Variants in ACOX3 observed in about 807,000 individuals in gnomAD.
ACOX3 encodes peroxisomal acyl-coenzyme A oxidase 3.
ACOX3 carries 73 observed loss-of-function variants against 81.5 expected under a neutral mutation model. The observed-to-expected ratio is 0.90, with a 90% confidence interval of 0.74 to 1.09. ACOX3 has a LOEUF of 1.09. Among genes scored for constraint, ACOX3 ranks in the 50% least tolerant of loss-of-function variants. The probability of loss-of-function intolerance (pLI) is 0.00; values close to 1 mark genes in which losing one functional copy is unlikely to be tolerated. For missense variants in ACOX3, 947 were observed against 928.0 expected, an observed-to-expected ratio of 1.02 and a Z score of -0.27; for synonymous variants, 387 against 375.1, an observed-to-expected ratio of 1.03 and a Z score of -0.37.
Position 8,416,629 on chromosome 4 carries a change from G to T in ACOX3, c.-14-94C>A. The stretch of plus-strand genomic sequence containing the variant: ...AGAGCCCGCAACACCTTACAAATCA[G>T]AGAAAAGTAAACTTGAAATCCAAAA... On this transcript the variant is annotated intron_variant, in intron 1 of 17. Transcript: ENST00000356406. This position sits in a 1 kb window ranked among gnomAD's most constrained non-coding sequence, Gnocchi z 4.2. 7.5e-7 allele frequency: 1 copy of T among 1,339,846 alleles called. No homozygotes were observed. Among genetic ancestry groups the T allele is most frequent in the South Asian group, 1.5e-5 (1 of 64,998 alleles). The allele number at this position is 1,339,846 out of a possible 1,614,324, so 83.0% of individuals were successfully genotyped here.
At chr4:8,422,436 T>C (rs1449691147) in intron 1 of ACOX3, among the ~76,000 whole-genome samples, 2 of 152,202 alleles carry the variant, frequency 1.3e-5, no homozygotes, top group Non-Finnish European at 2.9e-5. Flanking sequence ...AAAGTCCACC[T>C]TAGGCCCAGA....
intron 5 of ACOX3, among the ~76,000 whole-genome samples, chr4:8,411,087 G>A (rs1359551282): frequency 6.6e-6 from 1 of 152,208 alleles, no homozygotes; most frequent in Admixed American, 6.5e-5. Context: ...GGAGCCCTTC[G>A]AGTAAGGCTG....
intron 1 of ACOX3, among the ~76,000 whole-genome samples, chr4:8,422,376 C>G (rs779395665): frequency 6.6e-6 from 1 of 152,200 alleles, no homozygotes; most frequent in Admixed American, 6.5e-5. Context: ...TCCAATACCA[C>G]TTTGTTGTCA....
intron 3 of ACOX3, 37 bp downstream of exon 3, chr4:8,415,729 G>C (rs200740597): frequency 6.3e-7 from 1 of 1,589,842 alleles, no homozygotes; most frequent in African/African-American, 1.3e-5. Flanking sequence ...AGCGCAGCAT[G>C]AAAGCCGTTT....
In ACOX3 at chr4:8,405,255, C is replaced by T. The variant is rs563059236; in HGVS notation, c.776+700G>A. 6.6e-6 allele frequency among the ~76,000 whole-genome samples: 1 copy of T among 152,332 alleles called. No individual in the cohort carries two copies. The highest frequency in any genetic ancestry group is 2.1e-4 in the South Asian group (1 of 4,822). ...CATCCCAGCACAGGCCTGGGCCTGA[C>T]ACTTCCCACTGCTTCCTCCACCTGA... On this transcript the variant is annotated intron_variant, in intron 7 of 17. Coordinates refer to ENST00000356406, the MANE Select transcript of ACOX3 (RefSeq NM_003501.3). This position sits in a 1 kb window ranked among gnomAD's most constrained non-coding sequence, Gnocchi z 7.1.
In ACOX3 at chr4:8,394,799, A is replaced by G; in HGVS notation, c.1057-57T>C. 6.3e-7 allele frequency: 1 copy of G among 1,576,874 alleles called. No individual in the cohort carries two copies. The highest frequency in any genetic ancestry group is 8.6e-7 in the Non-Finnish European group (1 of 1,158,140). ...TCGTGGTTCCCATGAAGGGCAGCCC[A>G]TCCCAGGGACCATGAAAGCCAGTGC... On this transcript the variant is annotated intron_variant, in intron 9 of 17. Transcript: ENST00000356406. The surrounding 1 kb of genome is among the most constrained non-coding windows in gnomAD (Gnocchi z 5.9).
chr4:8,390,451 T>C (rs2386119), intron 11 of ACOX3, among the ~76,000 whole-genome samples: 38,336 of 151,968 alleles, frequency 0.25, 5,351 homozygotes, highest in African/African-American at 0.38. Flanking sequence ...CTGCAGAGCC[T>C]CCCCTGGCAT....
rs974325324 is a variant in ACOX3, at chr4:8,400,768, G to A, written c.777-1116C>T. Among the ~76,000 whole-genome samples, 17 of 152,142 alleles carry A rather than the reference G, an allele frequency of 1.1e-4. No homozygotes were observed. In the East Asian group the frequency reaches 1.7e-3, roughly 16 times the overall value. On this transcript the variant is annotated intron_variant, in intron 7 of 17. Transcript: ENST00000356406. This position sits in a 1 kb window ranked among gnomAD's most constrained non-coding sequence, Gnocchi z 4.4. ...TTGCAATGCCTTAGGGCAGCAGTCC[G>A]CAACCTTTTTGGCACCAGGGACCGG... is the stretch of plus-strand genomic sequence containing the variant.
At position 8,399,561 on chromosome 4, in the gene ACOX3, A is replaced by C. The variant is rs1720123026; in HGVS notation, c.868T>G (p.Phe290Val). The part of the protein sequence containing the change: ...VTPEGTYVSP[F>V]KDVRQRFGAS... ...ACGGCCCCCCATGCCTGTACCTTAA[A>C]GGGGCTGACATAGGTGCCCTCGGGG... is the stretch of plus-strand genomic sequence containing the variant. Residue 290 changes from phenylalanine (F) to valine (V), a missense_variant, in exon 8 of 18, where the codon TTT (phenylalanine) becomes GTT (valine). Transcript: ENST00000356406. The surrounding 1 kb of genome is among the most constrained non-coding windows in gnomAD (Gnocchi z 4.9). 2 of 1,613,058 alleles carry C rather than the reference A, an allele frequency of 1.2e-6. No individual in the cohort carries two copies.
Position 8,382,848 on chromosome 4 carries a change from C to T in ACOX3, c.1538-1241G>A, listed in dbSNP as rs1338900125. On this transcript the variant is annotated intron_variant, in intron 13 of 17. Transcript: ENST00000356406. This position sits in a 1 kb window ranked among gnomAD's most constrained non-coding sequence, Gnocchi z 4.1. ...TCTACTAAAAATACAAAAAATTAGC[C>T]GGGCGCAGTGGCAGGCGCCTGTAGT... is the stretch of plus-strand genomic sequence containing the variant. 2.0e-5 allele frequency among the ~76,000 whole-genome samples: 3 copies of T among 151,998 alleles called. No individual in the cohort carries two copies. Among genetic ancestry groups the T allele is most frequent in the Non-Finnish European group, 1.5e-5 (1 of 67,980 alleles).
At chr4:8,374,890 G>A in intron 15 of ACOX3, 88 bp downstream of exon 15, 5 of 1,378,714 alleles carry the variant, frequency 3.6e-6, no homozygotes, top group Non-Finnish European at 4.8e-6. Flanking sequence ...CGTGGAAGGA[G>A]GACGATGGTG....
chr4:8,392,109 C>T (rs1429631165), intron 11 of ACOX3, among the ~76,000 whole-genome samples: 1 of 152,374 alleles, frequency 6.6e-6, no homozygotes, highest in East Asian at 1.9e-4. Context: ...CACATGGTCT[C>T]TGTCACAGCT....
At position 8,366,855 on chromosome 4, in the gene ACOX3, A is replaced by C. The variant is rs1322613926; in HGVS notation, c.*106T>G. 4.5e-5 allele frequency: 67 copies of C among 1,501,354 alleles called. No homozygotes were observed. Among genetic ancestry groups the C allele is most frequent in the Admixed American group, 1.1e-4 (6 of 56,854 alleles). The allele number at this position is 1,501,354 out of a possible 1,614,324, so 93.0% of individuals were successfully genotyped here. On this transcript the variant is annotated 3_prime_UTR_variant, in exon 18 of 18. Transcript: ENST00000356406. ...AGTTTAGGCGCACAGGTGCGGGCTCAGAAAGCAGCAGCAATCTCCGGCGTG... is the reference window on the plus strand; with the variant it reads ...AGTTTAGGCGCACAGGTGCGGGCTCCGAAAGCAGCAGCAATCTCCGGCGTG...
At position 8,384,685 on chromosome 4, in the gene ACOX3, G is replaced by A. The variant is rs1254368245; in HGVS notation, c.1538-3078C>T. ...GGTGAGCTCTTCGCATGCACTGCCTGCCTTTCGGGTCTCGGTTTCCTCTCC... is the reference window on the plus strand; with the variant it reads ...GGTGAGCTCTTCGCATGCACTGCCTACCTTTCGGGTCTCGGTTTCCTCTCC... On this transcript the variant is annotated intron_variant, in intron 13 of 17. Transcript: ENST00000356406. This position sits in a 1 kb window ranked among gnomAD's most constrained non-coding sequence, Gnocchi z 5.3. Among the ~76,000 whole-genome samples the A allele has an allele frequency of 6.6e-6, 1 of 152,124 alleles. No homozygotes were observed. The highest frequency in any genetic ancestry group is 1.5e-5 in the Non-Finnish European group (1 of 68,028).
Position 8,405,838 on chromosome 4 carries a change from T to A in ACOX3, c.776+117A>T. The A allele has an allele frequency of 9.5e-7, 1 of 1,051,822 alleles. No individual in the cohort carries two copies. Among genetic ancestry groups the A allele is most frequent in the Non-Finnish European group, 1.5e-6 (1 of 681,136 alleles). The allele number at this position is 1,051,822 out of a possible 1,614,324, so 65.2% of individuals were successfully genotyped here. On this transcript the variant is annotated intron_variant, in intron 7 of 17. Coordinates refer to ENST00000356406, the MANE Select transcript of ACOX3 (RefSeq NM_003501.3). This position sits in a 1 kb window ranked among gnomAD's most constrained non-coding sequence, Gnocchi z 7.1. ...GGCTAGGCGTAGGTCCCCACCGCAT[T>A]TGAGTCTAAGAGGGCAGGGCATGGC...
At chr4:8,364,783 T>C (rs1251438979), downstream of ACOX3, among the ~76,000 whole-genome samples, 1 of 152,224 alleles carries the variant, frequency 6.6e-6, no homozygotes, top group Non-Finnish European at 1.5e-5. The surrounding 1 kb of genome is among the most constrained non-coding windows in gnomAD (Gnocchi z 5.0). Context: ...GACCAAAGGC[T>C]GGACGAGACC....
chr4:8,399,693 G>T lies in ACOX3; in HGVS notation c.777-41C>A. ...AGGGCTTCTGTTAAACAGGGGTCCTGCCCTGAGGCTCTTCTCTTCTCCAAG... is the reference window on the plus strand; with the variant it reads ...AGGGCTTCTGTTAAACAGGGGTCCTTCCCTGAGGCTCTTCTCTTCTCCAAG... On this transcript the variant is annotated intron_variant, in intron 7 of 17. Coordinates refer to ENST00000356406, the MANE Select transcript of ACOX3 (RefSeq NM_003501.3). The surrounding 1 kb of genome is among the most constrained non-coding windows in gnomAD (Gnocchi z 4.9). The T allele has an allele frequency of 6.4e-7, 1 of 1,560,906 alleles. No homozygotes were observed. The highest frequency in any genetic ancestry group is 8.8e-7 in the Non-Finnish European group (1 of 1,132,296).
rs1360749155 is a variant in ACOX3 at position 8,373,594 on chromosome 4, C to T, written c.1863G>A (p.Val621=). Residue 621 remains valine (V), a synonymous_variant, in exon 16 of 18, where the codon GTG becomes GTA. Coordinates refer to ENST00000356406, the MANE Select transcript of ACOX3 (RefSeq NM_003501.3). ...ACAAAGCCAGGACGGCGCTCTCCAA[C>T]ACTTCTCCCGCCTGCTCACCGGAGA... ...GYFSGEQAGE[V]LESAVLALCS... is the part of the protein sequence containing the mutation. The T allele has an allele frequency of 6.2e-7, 1 of 1,613,618 alleles. No homozygotes were observed. Among genetic ancestry groups the T allele is most frequent in the Admixed American group, 1.7e-5 (1 of 60,000 alleles).
intron 7 of ACOX3, among the ~76,000 whole-genome samples, chr4:8,404,172 G>A (rs891355617): frequency 2.6e-5 from 4 of 152,216 alleles, no homozygotes; most frequent in Admixed American, 6.5e-5. Context: ...GGGGCTTCCC[G>A]CTGCCCTGAG....
Sources: allele counts gnomAD v4.1 joint callset (sites outside exome capture counted in the v4.1 genomes callset), GRCh38; gene constraint gnomAD v4.1.1; non-coding constraint Gnocchi (gnomAD v3.1); transcripts MANE v1.5; gene names NCBI Gene and HGNC (gene_info 2026-07-23, HGNC 2026-07-21).